Variants in FLT3 observed in about 807,000 individuals in gnomAD.
FLT3 encodes the protein receptor-type tyrosine-protein kinase FLT3.
FLT3 carries 46 observed loss-of-function variants against 126.6 expected under a neutral mutation model. The observed-to-expected ratio is 0.36, with a 90% CI of 0.29 to 0.46. The LOEUF (loss-of-function observed/expected upper bound fraction) is 0.46. Ranked by LOEUF, FLT3 falls within the 20% of genes least tolerant of loss-of-function variation. The pLI, the probability that FLT3 is intolerant of heterozygous loss-of-function variation, is 1.00. For missense variants in FLT3, 1,069 were observed against 1,190.3 expected, an observed-to-expected ratio of 0.90 and a Z score of 1.50; for synonymous variants, 404 against 434.4, an observed-to-expected ratio of 0.93 and a Z score of 0.87.
rs1879726770 is a variant in FLT3, at chr13:28,100,163, C to T, written c.43+305G>A. 6.6e-6 allele frequency among the ~76,000 whole-genome samples: 1 copy of T among 152,104 alleles called. No individual in the cohort carries two copies. The highest frequency in any genetic ancestry group is 6.5e-5 in the Admixed American group (1 of 15,272). On this transcript the variant is annotated intron_variant, in intron 1 of 23. Transcript: ENST00000241453. This position sits in a 1 kb window ranked among gnomAD's most constrained non-coding sequence, Gnocchi z 4.8. ...CGCGCGGGCCGAGCTGCCCCAGACCCGGCGCAGCGCCTCGGCGAGGCCGTC... is the reference window on the plus strand; with the variant it reads ...CGCGCGGGCCGAGCTGCCCCAGACCTGGCGCAGCGCCTCGGCGAGGCCGTC...
At position 28,038,101 on chromosome 13, in the gene FLT3, A is replaced by T. The variant is rs549002480; in HGVS notation, c.1206-813T>A. 2.0e-5 allele frequency among the ~76,000 whole-genome samples: 3 copies of T among 152,348 alleles called. No homozygotes were observed. The South Asian group carries it at 6.2e-4, about 32-fold the overall frequency. ...TGACCAACCCTTGACTTACATAGCAATGAACAACGATGAGGGCTCAAATCC... is the reference window on the plus strand; with the variant it reads ...TGACCAACCCTTGACTTACATAGCATTGAACAACGATGAGGGCTCAAATCC... On this transcript the variant is annotated intron_variant, in intron 9 of 23. Coordinates refer to ENST00000241453, the MANE Select transcript of FLT3 (RefSeq NM_004119.3).
chr13:28,034,945 A>C (rs569844861), intron 12 of FLT3, among the ~76,000 whole-genome samples: 6 of 6,576 alleles, frequency 9.1e-4, no homozygotes, highest in African/African-American at 2.5e-3. Flanking sequence ...TCTCCATCTC[A>C]AAAAAAAAAA....
At chr13:28,082,996 G>A (rs533355182) in intron 1 of FLT3, among the ~76,000 whole-genome samples, 6 of 150,804 alleles carry the variant, frequency 4.0e-5, no homozygotes, top group Middle Eastern at 3.5e-3. Context: ...ATGAGCCACC[G>A]CGCCTGGCCA....
intron 9 of FLT3, among the ~76,000 whole-genome samples, chr13:28,042,182 TAATAATA>T (rs1874450789): frequency 7.3e-6 from 1 of 136,170 alleles, no homozygotes. Flanking sequence ...ATAATAATAA[TAATAATA>T]AATAAAAATG....
At position 28,003,804 on chromosome 13, in the gene FLT3, C is replaced by T. The variant is rs1301963337; in HGVS notation, c.*248G>A. 1 of 507,700 alleles carries T rather than the reference C, an allele frequency of 2.0e-6. No individual in the cohort carries two copies. Among genetic ancestry groups the T allele is most frequent in the Non-Finnish European group, 3.5e-6 (1 of 282,660 alleles). 31.4% of individuals were successfully genotyped at this position (507,700 alleles called of 1,614,324 possible). A position where few individuals can be genotyped will look rare whatever the true frequency, so the allele number is the denominator to read the frequency against. On this transcript the variant is annotated 3_prime_UTR_variant, in exon 24 of 24. Transcript: ENST00000241453. ...ATTCACTCAAGCCAGCCTGAGAAGG[C>T]CTTGGATGCAGATCAATGCTCCAAT... is the stretch of plus-strand genomic sequence containing the variant.
intron 9 of FLT3, among the ~76,000 whole-genome samples, chr13:28,042,762 A>G (rs1020166270): frequency 9.2e-5 from 14 of 152,046 alleles, no homozygotes; most frequent in Non-Finnish European, 1.5e-5. Context: ...AAACTGCAGA[A>G]GTGAATGGGA....
chr13:28,089,913 A>T (rs946648949), intron 1 of FLT3, among the ~76,000 whole-genome samples: 12 of 150,648 alleles, frequency 8.0e-5, no homozygotes, highest in African/African-American at 2.5e-4. Flanking sequence ...TTTTATATAT[A>T]TTTTTTTAGT....
chr13:28,060,256 AAT>A (rs1319792657), intron 3 of FLT3, among the ~76,000 whole-genome samples: 82 of 149,408 alleles, frequency 5.5e-4, no homozygotes, highest in African/African-American at 1.9e-3. Flanking sequence ...AAAAAAAAAA[AAT>A]GAAAACAAAA....
intron 1 of FLT3, among the ~76,000 whole-genome samples, chr13:28,099,962 G>A (rs755646762): frequency 1.3e-5 from 2 of 152,338 alleles, no homozygotes; most frequent in African/African-American, 2.4e-5. Context: ...CGCTCTAGGG[G>A]AGAACGCGGA....
chr13:28,080,103 C>T (rs1485400185), intron 1 of FLT3, among the ~76,000 whole-genome samples: 23 of 152,266 alleles, frequency 1.5e-4, no homozygotes, highest in African/African-American at 5.3e-4. Flanking sequence ...TGGCCGGGCA[C>T]GGTGGCTCAT....
At chr13:28,063,919 T>A (rs182677478) in intron 2 of FLT3, among the ~76,000 whole-genome samples, 70 of 152,264 alleles carry the variant, frequency 4.6e-4, no homozygotes, top group Admixed American at 1.5e-3. Context: ...TGTTTAAGTT[T>A]TTCACCCAAG....
intron 15 of FLT3, among the ~76,000 whole-genome samples, chr13:28,033,168 T>C (rs1040342022): frequency 1.4e-5 from 2 of 138,280 alleles, no homozygotes; most frequent in African/African-American, 5.2e-5. Flanking sequence ...AAAAAAAAAA[T>C]TAGCCAATTG....
At chr13:28,098,067 C>T (rs1879578361) in intron 1 of FLT3, among the ~76,000 whole-genome samples, 2 of 152,144 alleles carry the variant, frequency 1.3e-5, no homozygotes, top group South Asian at 4.2e-4. Context: ...GTAATCCCAG[C>T]GCTTTGGGAG....
intron 1 of FLT3, among the ~76,000 whole-genome samples, chr13:28,099,494 C>T (rs1487207244): frequency 1.3e-5 from 2 of 152,028 alleles, no homozygotes; most frequent in African/African-American, 2.4e-5. Context: ...CTCTATTTAC[C>T]ACAGAGACTT....
At position 28,024,846 on chromosome 13, in the gene FLT3, A is replaced by C; in HGVS notation, c.2290+15T>G. On this transcript the variant is annotated intron_variant, in intron 18 of 23. Coordinates refer to ENST00000241453, the MANE Select transcript of FLT3 (RefSeq NM_004119.3). Reference sequence around the variant, plus strand: ...TTTCCATTTTAAAGTGCTACTACTTAGAATAAAATATTACCTTCAGAGTGA... The same window carrying C: ...TTTCCATTTTAAAGTGCTACTACTTCGAATAAAATATTACCTTCAGAGTGA... 6.5e-7 allele frequency: 1 copy of C among 1,528,356 alleles called. No individual in the cohort carries two copies. The highest frequency in any genetic ancestry group is 9.0e-7 in the Non-Finnish European group (1 of 1,112,000). 94.7% of individuals were successfully genotyped at this position (1,528,356 alleles called of 1,614,324 possible). A position where few individuals can be genotyped will look rare whatever the true frequency, so the allele number is the denominator to read the frequency against.
chr13:28,034,113 T>G lies in FLT3; in HGVS notation c.1806A>C (p.Lys602Asn), dbSNP rs745627198. 1 of 1,614,026 alleles carries G rather than the reference T, an allele frequency of 6.2e-7. No individual in the cohort carries two copies. Among genetic ancestry groups the G allele is most frequent in the South Asian group, 1.1e-5 (1 of 91,068 alleles). The change falls in exon 14 of 24, where the codon AAA (lysine) becomes AAC (asparagine). Residue 602 changes from lysine (K) to asparagine (N), a missense_variant. By Grantham distance (94) the Lys-to-Asn change is moderately conservative (BLOSUM62 0). Coordinates refer to ENST00000241453, the MANE Select transcript of FLT3 (RefSeq NM_004119.3). ...VDFREYEYDL[K>N]WEFPRENLEF... The stretch of plus-strand genomic sequence containing the variant: ...CTAAATTTTCTCTTGGAAACTCCCA[T>G]TTGAGATCATATTCATATTCTCTGA...
At chr13:28,050,040 A>G in intron 6 of FLT3, 55 bp downstream of exon 6, 1 of 1,590,712 alleles carries the variant, frequency 6.3e-7, no homozygotes, top group Non-Finnish European at 8.6e-7. Context: ...TTAGTCCCTG[A>G]TAGTTGCTAA....
chr13:28,063,690 C>G (rs2137772344), intron 2 of FLT3, among the ~76,000 whole-genome samples: 1 of 1,794 alleles, frequency 5.6e-4, no homozygotes, highest in South Asian at 0.083. Flanking sequence ...CTTATTTGTT[C>G]ACTTACTATG....
intron 1 of FLT3, among the ~76,000 whole-genome samples, chr13:28,084,423 G>A (rs182673694): frequency 1.1e-4 from 17 of 151,834 alleles, no homozygotes; most frequent in Admixed American, 5.9e-4. Context: ...GTGTGATCAC[G>A]GTGTACTGCA....
Sources: allele counts gnomAD v4.1 joint callset (sites outside exome capture counted in the v4.1 genomes callset), GRCh38; gene constraint gnomAD v4.1.1; non-coding constraint Gnocchi (gnomAD v3.1); transcripts MANE v1.5; gene names NCBI Gene and HGNC (gene_info 2026-07-23, HGNC 2026-07-21).